Variants in PIK3R5 observed in about 807,000 individuals in gnomAD.
PIK3R5 encodes the protein phosphoinositide-3-kinase regulatory subunit 5.
A neutral mutation model predicts 94.9 loss-of-function variants in PIK3R5; 32 were observed. That is an observed-to-expected ratio of 0.34 (90% CI 0.25 to 0.45). The LOEUF is 0.45. Ranked by LOEUF, PIK3R5 falls within the 20% of genes least tolerant of loss-of-function variation. The probability of loss-of-function intolerance (pLI) is 1.00; values close to 1 mark genes in which losing one functional copy is unlikely to be tolerated. For synonymous variants in PIK3R5, 443 were observed against 479.4 expected, an observed-to-expected ratio of 0.92 and a Z score of 0.99; for missense variants, 853 against 1,144.6, an observed-to-expected ratio of 0.75 and a Z score of 3.68.
intron 1 of PIK3R5, among the ~76,000 whole-genome samples, chr17:8,956,918 C>G (rs1438234960): frequency 6.6e-6 from 1 of 152,196 alleles, no homozygotes; most frequent in Non-Finnish European, 1.5e-5. Flanking sequence ...AGCCCATGCT[C>G]CCAGCAGAGG....
Position 8,881,141 on chromosome 17 carries a change from A to C in PIK3R5, c.2383-124T>G, listed in dbSNP as rs2089647122. On this transcript the variant is annotated intron_variant, in intron 17 of 18. Transcript: ENST00000447110. This position sits in a 1 kb window ranked among gnomAD's most constrained non-coding sequence, Gnocchi z 4.8. ...GTGTGGGAGGGCAGGGGTTTGTCTG[A>C]CTGCGCTCCAGGGTTAATGGCCAGG... is the stretch of plus-strand genomic sequence containing the variant. 2 of 737,586 alleles carry C rather than the reference A, an allele frequency of 2.7e-6. No individual in the cohort carries two copies. Among genetic ancestry groups the C allele is most frequent in the Non-Finnish European group, 4.8e-6 (2 of 418,906 alleles). The allele number at this position is 737,586 out of a possible 1,614,324, so 45.7% of individuals were successfully genotyped here. A position where few individuals can be genotyped will look rare whatever the true frequency, so the allele number is the denominator to read the frequency against.
At chr17:8,914,887 G>A (rs999876128) in intron 1 of PIK3R5, among the ~76,000 whole-genome samples, 21 of 152,264 alleles carry the variant, frequency 1.4e-4, no homozygotes, top group Admixed American at 6.5e-4. Context: ...TCAGAAGGAG[G>A]CTGAAGGCTG....
chr17:8,908,574 A>AC (rs2090448779), intron 3 of PIK3R5, among the ~76,000 whole-genome samples: 1 of 88,982 alleles, frequency 1.1e-5, no homozygotes, highest in East Asian at 3.4e-4. Context: ...CACACACACA[A>AC]CCATAAAAGA....
intron 1 of PIK3R5, among the ~76,000 whole-genome samples, chr17:8,944,286 C>A (rs373996929): frequency 3.5e-4 from 53 of 152,262 alleles, no homozygotes; most frequent in Admixed American, 1.7e-3. Context: ...ACATAATATT[C>A]CATGGTGTAT....
In PIK3R5 at chr17:8,887,208, G is replaced by T; in HGVS notation, c.1793C>A (p.Thr598Asn). ...RHASPGELGT[T>N]PWEESTNDIS... ...GTCATTGGTGCTCTCCTCCCATGGGGTGGTGCCCAGCTCCTAGGGCAAAGA... is the reference window on the plus strand; with the variant it reads ...GTCATTGGTGCTCTCCTCCCATGGGTTGGTGCCCAGCTCCTAGGGCAAAGA... Residue 598 changes from threonine (T) to asparagine (N), a missense_variant, in exon 12 of 19, where the codon ACC (threonine) becomes AAC (asparagine). Thr to Asn is a moderately conservative substitution (Grantham distance 65). Around this residue, in one of 6 missense-constraint regions of PIK3R5, gnomAD observed 173 missense variants for 274.1 expected, o/e 0.63. Transcript: ENST00000447110. 1 of 1,613,822 alleles carries T rather than the reference G, an allele frequency of 6.2e-7. No individual in the cohort carries two copies. The highest frequency in any genetic ancestry group is 1.3e-5 in the African/African-American group (1 of 75,006).
chr17:8,924,786 C>T (rs559244293), intron 1 of PIK3R5, among the ~76,000 whole-genome samples: 54 of 152,324 alleles, frequency 3.5e-4, no homozygotes, highest in Middle Eastern at 3.4e-3. Flanking sequence ...AACAGATACT[C>T]ATCAGGTTTG....
At position 8,911,161 on chromosome 17, in the gene PIK3R5, A is replaced by C. The variant is rs181339411; in HGVS notation, c.103+231T>G. On this transcript the variant is annotated intron_variant, in intron 2 of 18. Transcript: ENST00000447110. This position sits in a 1 kb window ranked among gnomAD's most constrained non-coding sequence, Gnocchi z 5.3. ...CAGAAGTAAAAGGCAGCCAGCCCTGAGTAGGATGAGGAAGATGCCGTGGGA... is the reference window on the plus strand; with the variant it reads ...CAGAAGTAAAAGGCAGCCAGCCCTGCGTAGGATGAGGAAGATGCCGTGGGA... Among the ~76,000 whole-genome samples, 198 of 152,336 alleles carry C rather than the reference A, an allele frequency of 1.3e-3. No individual in the cohort carries two copies. Among genetic ancestry groups the C allele is most frequent in the African/African-American group, 4.4e-3 (184 of 41,588 alleles).
chr17:8,902,358 C>T (rs1199147562), intron 5 of PIK3R5, among the ~76,000 whole-genome samples: 1 of 147,066 alleles, frequency 6.8e-6, no homozygotes, highest in Non-Finnish European at 1.5e-5. Flanking sequence ...CAGGTTCAAG[C>T]GATTCTCTGC....
chr17:8,935,746 C>T lies in PIK3R5; in HGVS notation c.-13-24239G>A, dbSNP rs79535874. ...CTCCTGGCAGGATGGGGCTTGGCAT[C>T]GGATTTCAGTCAACATAAGAAGACA... On this transcript the variant is annotated intron_variant, in intron 1 of 18. Transcript: ENST00000447110. This position sits in a 1 kb window ranked among gnomAD's most constrained non-coding sequence, Gnocchi z 4.5. 1.9e-3 allele frequency among the ~76,000 whole-genome samples: 283 copies of T among 152,192 alleles called. 6 individuals are homozygous for T. The East Asian group carries it at 0.051, about 27-fold the overall frequency.
intron 5 of PIK3R5, among the ~76,000 whole-genome samples, chr17:8,897,854 G>C (rs1440996140): frequency 2.0e-5 from 3 of 152,194 alleles, no homozygotes; most frequent in Admixed American, 1.3e-4. Flanking sequence ...GGAAAGATGA[G>C]GGAAGGCTGG....
intron 1 of PIK3R5, among the ~76,000 whole-genome samples, chr17:8,929,133 C>A (rs1226000058): frequency 6.6e-6 from 1 of 152,000 alleles, no homozygotes; most frequent in African/African-American, 2.4e-5. Flanking sequence ...AAAATGAATT[C>A]TAAAGAATGT....
intron 1 of PIK3R5, among the ~76,000 whole-genome samples, chr17:8,963,825 C>T (rs1326393326): frequency 6.6e-6 from 1 of 152,128 alleles, no homozygotes; most frequent in Non-Finnish European, 1.5e-5. Context: ...GAGGGAGGTT[C>T]TTAAAACCCT....
chr17:8,941,666 A>T (rs2091182837), intron 1 of PIK3R5, among the ~76,000 whole-genome samples: 1 of 152,228 alleles, frequency 6.6e-6, no homozygotes, highest in Admixed American at 6.5e-5. Context: ...GCACCGTGGC[A>T]CAGGATGTGG....
At chr17:8,887,470 G>T in intron 11 of PIK3R5, 51 bp downstream of exon 11, 3 of 1,543,490 alleles carry the variant, frequency 1.9e-6, no homozygotes, top group Non-Finnish European at 2.6e-6. Context: ...GCTTCCTTCA[G>T]GTAGCCAGAA....
At chr17:8,907,487 A>G (rs1033897665) in intron 3 of PIK3R5, among the ~76,000 whole-genome samples, 11 of 152,200 alleles carry the variant, frequency 7.2e-5, no homozygotes, top group Non-Finnish European at 1.6e-4. Flanking sequence ...AAAGATTATC[A>G]ACATGTTTAT....
At chr17:8,948,567 C>T (rs1455953089) in intron 1 of PIK3R5, among the ~76,000 whole-genome samples, 1 of 152,140 alleles carries the variant, frequency 6.6e-6, no homozygotes, top group Non-Finnish European at 1.5e-5. Context: ...TGGAGAGGTG[C>T]TCCGCTTCAT....
intron 1 of PIK3R5, among the ~76,000 whole-genome samples, chr17:8,953,655 C>T (rs977405663): frequency 6.6e-6 from 1 of 152,146 alleles, no homozygotes; most frequent in African/African-American, 2.4e-5. Flanking sequence ...AAGAGTGAGC[C>T]CCATCTTTTG....
chr17:8,931,439 C>T (rs2090985722), intron 1 of PIK3R5, among the ~76,000 whole-genome samples: 7 of 152,174 alleles, frequency 4.6e-5, no homozygotes, highest in Admixed American at 4.6e-4. Flanking sequence ...CAGGCAAGCA[C>T]AGGACTGTAA....
At chr17:8,942,963 T>TACATACACACACACACACACAC (rs2091211761) in intron 1 of PIK3R5, among the ~76,000 whole-genome samples, 2 of 149,068 alleles carry the variant, frequency 1.3e-5, no homozygotes, top group African/African-American at 2.5e-5. Flanking sequence ...GATCACGTCA[T>TACATACACACACACACACACAC]ACACACACAC....
Sources: gnomAD v4.1 joint callset for allele counts (sites outside exome capture counted in the v4.1 genomes callset) on GRCh38, gnomAD v4.1.1 for gene constraint, gnomAD v4.1.1 regional missense constraint, Gnocchi (gnomAD v3.1) non-coding constraint, MANE v1.5 for transcripts, NCBI Gene and HGNC (gene_info 2026-07-23, HGNC 2026-07-21) for gene names.